HOXC4: variants seen among roughly 807,000 people sequenced by gnomAD.
HOXC4 encodes homeobox C4.
Under a neutral mutation model 25.5 loss-of-function variants are expected in HOXC4, and 15 were observed. The ratio of observed to expected loss-of-function variants is 0.59; its 90% CI spans 0.39 to 0.91. HOXC4 has a LOEUF of 0.91. Ranked by LOEUF, HOXC4 falls within the 40% of genes least tolerant of loss-of-function variation. The probability of loss-of-function intolerance (pLI) is 0.00; values close to 1 mark genes in which losing one functional copy is unlikely to be tolerated. For missense variants in HOXC4, 342 were observed against 352.4 expected, an observed-to-expected ratio of 0.97 and a Z score of 0.24; for synonymous variants, 165 against 148.0, an observed-to-expected ratio of 1.11 and a Z score of -0.83.
chr12:54,033,098 G>A (rs764709425), intron 1 of HOXC4: 3 of 1,587,916 alleles, frequency 1.9e-6, no homozygotes, highest in South Asian at 2.2e-5. Context: ...AAAGGGTGCA[G>A]AAATTTTTTT....
intron 1 of HOXC4, among the ~76,000 whole-genome samples, chr12:54,029,093 G>T (rs779048299): frequency 1.3e-5 from 2 of 152,032 alleles, no homozygotes; most frequent in Non-Finnish European, 2.9e-5. Context: ...CCTCTCGCTC[G>T]CTTGCAGGGG....
intron 1 of HOXC4, among the ~76,000 whole-genome samples, chr12:54,048,361 G>T (rs1937767943): frequency 6.6e-6 from 1 of 151,970 alleles, no homozygotes; most frequent in Non-Finnish European, 1.5e-5. Flanking sequence ...CACTATGGTT[G>T]GGGAAAATAA....
At chr12:54,046,593 A>T (rs1321691183) in intron 1 of HOXC4, among the ~76,000 whole-genome samples, 1 of 152,186 alleles carries the variant, frequency 6.6e-6, no homozygotes, top group Admixed American at 6.5e-5. Flanking sequence ...GTTAGAAAAG[A>T]TCAAAGAATG....
intron 1 of HOXC4, chr12:54,033,689 A>G (rs1256625193): frequency 1.1e-5 from 10 of 919,634 alleles, no homozygotes; most frequent in South Asian, 1.8e-5. Flanking sequence ...CCAGGCATCA[A>G]TGGCTCGTAA....
intron 1 of HOXC4, among the ~76,000 whole-genome samples, chr12:54,024,183 AC>A (rs1266865194): frequency 6.6e-6 from 1 of 152,172 alleles, no homozygotes; most frequent in Non-Finnish European, 1.5e-5. Context: ...GCCCAGTGGC[AC>A]AAAAGGGGCC....
At chr12:54,017,488 T>G (rs1000563189) in intron 1 of HOXC4, 3 of 151,918 alleles carry the variant, frequency 2.0e-5, no homozygotes, top group Non-Finnish European at 4.4e-5. Context: ...CAGCAGCGGC[T>G]TCTCTTGGTT....
intron 1 of HOXC4, among the ~76,000 whole-genome samples, chr12:54,038,350 G>A (rs563316066): frequency 6.6e-6 from 1 of 152,184 alleles, no homozygotes; most frequent in Non-Finnish European, 1.5e-5. Context: ...AAGGGTGTTT[G>A]GTGTCTGTAC....
chr12:54,033,647 GA>G (rs1203866009), intron 1 of HOXC4: 23 of 1,302,356 alleles, frequency 1.8e-5, no homozygotes, highest in Non-Finnish European at 2.2e-5. Context: ...GGCAAATAAA[GA>G]AAAAAAACCT....
chr12:54,048,147 C>T (rs1937760110), intron 1 of HOXC4, among the ~76,000 whole-genome samples: 3 of 151,912 alleles, frequency 2.0e-5, no homozygotes, highest in Admixed American at 6.6e-5. Context: ...GCAAACTGGA[C>T]CCCTTTGGGC....
At chr12:54,034,351 T>C in intron 1 of HOXC4, 1 of 1,614,232 alleles carries the variant, frequency 6.2e-7, no homozygotes, top group Non-Finnish European at 8.5e-7. Flanking sequence ...AATTCCACTT[T>C]AACCGCTACC....
intron 1 of HOXC4, among the ~76,000 whole-genome samples, chr12:54,036,403 G>A (rs1355691293): frequency 6.6e-6 from 1 of 152,138 alleles, no homozygotes; most frequent in African/African-American, 2.4e-5. Context: ...GGGAGGGGCA[G>A]GGGAATATTT....
chr12:54,051,158 G>A (rs1269548964), upstream of HOXC4, among the ~76,000 whole-genome samples: 1 of 152,098 alleles, frequency 6.6e-6, no homozygotes, highest in African/African-American at 2.4e-5. Flanking sequence ...GGGCTGAGAG[G>A]ATGAGAGTCA....
chr12:54,048,657 C>T (rs1283815331), intron 1 of HOXC4, among the ~76,000 whole-genome samples: 1 of 152,162 alleles, frequency 6.6e-6, no homozygotes, highest in African/African-American at 2.4e-5. Flanking sequence ...TAGTTTTTCC[C>T]AGTCTCTGCC....
At chr12:54,033,486 C>T in intron 1 of HOXC4, 1 of 1,592,526 alleles carries the variant, frequency 6.3e-7, no homozygotes, top group Non-Finnish European at 8.5e-7. Context: ...CAAAGAGGAG[C>T]AGGCGCAGAC....
chr12:54,036,677 TC>T (rs1941190361), intron 1 of HOXC4, among the ~76,000 whole-genome samples: 1 of 97,456 alleles, frequency 1.0e-5, no homozygotes, highest in African/African-American at 7.1e-5. Context: ...AGACCAGTGC[TC>T]TCTCTCTCTC....
chr12:54,034,669 T>C lies in HOXC4; in HGVS notation c.-124+17255T>C, dbSNP rs1941134291. On this transcript the variant is annotated intron_variant, in intron 1 of 3. Coordinates refer to the HOXC4 transcript ENST00000303406. ...ATTCCGCATCCCTACCGACCCAGGG[T>C]TCCCGCGGGGCTGTCGGCGCTGCCC... 5 of 592,418 alleles carry C rather than the reference T, an allele frequency of 8.4e-6. No individual in the cohort carries two copies. In the Admixed American group the frequency reaches 1.5e-4, roughly 18 times the overall value. The allele number at this position is 592,418 out of a possible 1,614,324, so 36.7% of individuals were successfully genotyped here.
In HOXC4 at chr12:54,054,870, G is replaced by A. The variant is rs766830214; in HGVS notation, c.460G>A (p.Gly154Arg). The A allele has an allele frequency of 2.7e-5, 43 of 1,608,500 alleles. No individual in the cohort carries two copies. Among genetic ancestry groups the A allele is most frequent in the Admixed American group, 3.3e-5 (2 of 59,822 alleles). The change falls in exon 2 of 2, where the codon GGG becomes AGG. Residue 154 changes from glycine to arginine, a missense_variant. Physicochemically the swap from Gly to Arg is moderately radical, Grantham distance 125 (BLOSUM62 -2). Coordinates refer to ENST00000430889, the MANE Select transcript of HOXC4 (RefSeq NM_153633.3). ...VSTVNPNYNGGEPKRSRTAYT... is the reference protein window; with the variant it reads ...VSTVNPNYNGREPKRSRTAYT... ...CCCAGTGAACCCCAATTATAACGGA[G>A]GGGAACCCAAGCGCTCGAGGACAGC...
intron 1 of HOXC4, among the ~76,000 whole-genome samples, chr12:54,038,230 CCTT>C (rs1941219725): frequency 1.3e-5 from 2 of 152,302 alleles, no homozygotes; most frequent in South Asian, 4.1e-4. Flanking sequence ...CCTTCCCACT[CCTT>C]ATTCTCTCTG....
chr12:54,041,938 C>T (rs1230600369), intron 1 of HOXC4, among the ~76,000 whole-genome samples: 1 of 150,628 alleles, frequency 6.6e-6, no homozygotes, highest in Non-Finnish European at 1.5e-5. Flanking sequence ...GCTGAGATTA[C>T]AGGTGTGAAC....
Sources: gnomAD v4.1 joint callset for allele counts (sites outside exome capture counted in the v4.1 genomes callset) on GRCh38, gnomAD v4.1.1 for gene constraint, MANE v1.5 for transcripts, NCBI Gene and HGNC (gene_info 2026-07-23, HGNC 2026-07-21) for gene names.